Variants in MKLN1 observed in about 807,000 individuals in gnomAD.
The protein encoded by MKLN1 is muskelin.
A neutral mutation model predicts 99.0 loss-of-function variants in MKLN1; 18 were observed. That is an observed-to-expected ratio of 0.18 (90% CI 0.13 to 0.27). MKLN1 has a LOEUF of 0.27. Among genes scored for constraint, MKLN1 ranks in the 10% least tolerant of loss-of-function variants. The pLI is 1.00. For synonymous variants in MKLN1, 288 were observed against 293.2 expected (o/e 0.98, Z 0.18); for missense variants, 621 against 875.9 (o/e 0.71, Z 3.67).
At position 131,197,042 on chromosome 7, in the gene MKLN1, C is replaced by A. The variant is rs188186012; in HGVS notation, c.-296-5815C>A. On this transcript the variant is annotated intron_variant, in intron 2 of 7. Coordinates refer to the MKLN1 transcript ENST00000416992. Reference sequence around the variant, plus strand: ...TCCTAGGAATACTTTTCCACACGCCCCATCCTCCTCTGTTTAATTCTCAGA... The same window carrying A: ...TCCTAGGAATACTTTTCCACACGCCACATCCTCCTCTGTTTAATTCTCAGA... Among the ~76,000 whole-genome samples the A allele has an allele frequency of 1.3e-3, 195 of 152,248 alleles. 1 individual carries two copies. The highest frequency in any genetic ancestry group is 4.5e-3 in the African/African-American group (188 of 41,546).
At chr7:131,284,295 A>C (rs1421403767) in intron 3 of MKLN1, among the ~76,000 whole-genome samples, 1 of 152,210 alleles carries the variant, frequency 6.6e-6, no homozygotes, top group East Asian at 1.9e-4. Flanking sequence ...CAACGCTGTC[A>C]AGTTTTTTAA....
intron 3 of MKLN1, among the ~76,000 whole-genome samples, chr7:131,292,449 G>A (rs1311131765): frequency 6.6e-6 from 1 of 152,164 alleles, no homozygotes; most frequent in African/African-American, 2.4e-5. Context: ...CTAATCCCTA[G>A]CACCCCAGAA....
chr7:131,267,058 C>T (rs981645865), intron 3 of MKLN1, among the ~76,000 whole-genome samples: 19 of 152,114 alleles, frequency 1.2e-4, no homozygotes, highest in African/African-American at 4.3e-4. Flanking sequence ...TCCGGCTGGG[C>T]GTGGTAGCTC....
intron 3 of MKLN1, among the ~76,000 whole-genome samples, chr7:131,240,410 A>ATTTC (rs1797385030): frequency 6.6e-6 from 1 of 152,216 alleles, no homozygotes; most frequent in Non-Finnish European, 1.5e-5. Flanking sequence ...TTGGCAAAGG[A>ATTTC]TATAAATGAA....
At chr7:131,445,750 CTT>C (rs748046772) in intron 11 of MKLN1, 22 bp from the exon 12 acceptor site, 36 of 1,219,584 alleles carry the variant, frequency 3.0e-5, no homozygotes, top group South Asian at 3.0e-5. Flanking sequence ...TTACTCCTTT[CTT>C]TTTTTTTTTC....
At chr7:131,220,059 A>C (rs182367675) in intron 3 of MKLN1, among the ~76,000 whole-genome samples, 210 of 152,248 alleles carry the variant, frequency 1.4e-3, no homozygotes, top group African/African-American at 4.9e-3. Flanking sequence ...TACCAAAGAA[A>C]TTGAAGTTCC....
At chr7:131,283,261 C>T (rs75717148) in intron 3 of MKLN1, among the ~76,000 whole-genome samples, 4,898 of 151,564 alleles carry the variant, frequency 0.032, 239 homozygotes, top group African/African-American at 0.1. Flanking sequence ...TAAATAATAA[C>T]GGCTTGCCAT....
At chr7:131,187,610 C>T (rs1044786316) in intron 2 of MKLN1, among the ~76,000 whole-genome samples, 2 of 152,202 alleles carry the variant, frequency 1.3e-5, no homozygotes, top group African/African-American at 4.8e-5. Context: ...AAAATATTTA[C>T]TGGCTGGCCC....
chr7:131,141,791 C>T (rs1191252954), intron 1 of MKLN1, among the ~76,000 whole-genome samples: 1 of 152,110 alleles, frequency 6.6e-6, no homozygotes, highest in Non-Finnish European at 1.5e-5. Flanking sequence ...CTTCATAACA[C>T]GCTTCTCTAT....
At chr7:131,197,910 C>A (rs1796672786) in intron 2 of MKLN1, among the ~76,000 whole-genome samples, 1 of 152,010 alleles carries the variant, frequency 6.6e-6, no homozygotes, top group South Asian at 2.1e-4. Context: ...CATCTCAGGT[C>A]TGCAACCTCT....
At chr7:131,128,766 G>A (rs902895608) in intron 1 of MKLN1, among the ~76,000 whole-genome samples, 40 of 31,890 alleles carry the variant, frequency 1.3e-3, no homozygotes, top group Middle Eastern at 0.023. Flanking sequence ...CACCATGTCT[G>A]GATAATATTT....
intron 17 of MKLN1, among the ~76,000 whole-genome samples, chr7:131,480,869 A>C (rs1317678604): frequency 6.6e-6 from 1 of 152,234 alleles, no homozygotes; most frequent in Non-Finnish European, 1.5e-5. Flanking sequence ...GCACTAAACT[A>C]TCTCTAACTG....
At chr7:131,172,304 C>T (rs1325757837) in intron 2 of MKLN1, among the ~76,000 whole-genome samples, 1 of 143,142 alleles carries the variant, frequency 7.0e-6, no homozygotes, top group Non-Finnish European at 1.5e-5. Context: ...CAACACCAGG[C>T]TAATTTTTGT....
chr7:131,362,144 A>G (rs1450385847), intron 1 of MKLN1, among the ~76,000 whole-genome samples: 5 of 152,038 alleles, frequency 3.3e-5, no homozygotes, highest in Middle Eastern at 3.4e-3. Flanking sequence ...TGTTTATTGT[A>G]TTTGGGTATG....
chr7:131,295,830 A>G (rs1054489606), intron 3 of MKLN1, among the ~76,000 whole-genome samples: 4 of 150,730 alleles, frequency 2.7e-5, no homozygotes, highest in Admixed American at 1.3e-4. Context: ...GGCTGCAGTG[A>G]GTAATGATTC....
chr7:131,482,384 T>G (rs550450770), intron 17 of MKLN1, among the ~76,000 whole-genome samples: 5 of 152,262 alleles, frequency 3.3e-5, no homozygotes, highest in Admixed American at 2.6e-4. Flanking sequence ...TTTTTACATT[T>G]TTTGTAGAGA....
intron 3 of MKLN1, among the ~76,000 whole-genome samples, chr7:131,252,329 C>CTTTTTTTTTTTTT (rs60581249): frequency 8.4e-4 from 100 of 118,516 alleles, no homozygotes; most frequent in East Asian, 1.3e-3. Context: ...TTTTTCTTTT[C>CTTTTTTTTTTTTT]TTTTTTTTTT....
At chr7:131,320,030 C>T (rs949676208) in intron 3 of MKLN1, among the ~76,000 whole-genome samples, 1 of 152,098 alleles carries the variant, frequency 6.6e-6, no homozygotes, top group African/African-American at 2.4e-5. Context: ...TTCAATGCTA[C>T]TCCCATTAAG....
chr7:131,242,386 A>G (rs1797417834), intron 3 of MKLN1, among the ~76,000 whole-genome samples: 1 of 152,038 alleles, frequency 6.6e-6, no homozygotes, highest in African/African-American at 2.4e-5. Context: ...AATTTTAAAA[A>G]TTAGCTGGTT....
Sources: gnomAD v4.1 joint callset for allele counts (sites outside exome capture counted in the v4.1 genomes callset) on GRCh38, gnomAD v4.1.1 for gene constraint, MANE v1.5 for transcripts, NCBI Gene and HGNC (gene_info 2026-07-23, HGNC 2026-07-21) for gene names.